DPYD: variants seen among roughly 807,000 people sequenced by gnomAD.
The protein encoded by DPYD is dihydropyrimidine dehydrogenase.
In DPYD, 109 loss-of-function variants were observed where a neutral mutation model predicts 116.2. The ratio of observed to expected loss-of-function variants is 0.94; its 90% CI spans 0.80 to 1.10. The LOEUF (loss-of-function observed/expected upper bound fraction) is 1.10. DPYD is among the 50% of genes least tolerant of loss of function. DPYD has a pLI of 0.00. For missense variants in DPYD, 1,302 were observed against 1,254.5 expected (o/e 1.04, Z -0.57); for synonymous variants, 440 against 432.0 (o/e 1.02, Z -0.23).
chr1:97,912,364 GA>G (rs1273698019), intron 1 of DPYD, among the ~76,000 whole-genome samples: 2 of 152,076 alleles, frequency 1.3e-5, no homozygotes, highest in East Asian at 1.9e-4. Context: ...AGAGAGGCTT[GA>G]ATACATTTTG....
intron 3 of DPYD, among the ~76,000 whole-genome samples, chr1:97,756,740 G>C (rs368461322): frequency 6.6e-6 from 1 of 152,068 alleles, no homozygotes. Context: ...TATTGAAGAG[G>C]TGTTGTTAAA....
At chr1:97,458,236 G>A (rs1387562810) in intron 13 of DPYD, among the ~76,000 whole-genome samples, 1 of 152,098 alleles carries the variant, frequency 6.6e-6, no homozygotes, top group Non-Finnish European at 1.5e-5. Context: ...AAGAAAACTT[G>A]TGTAAATCTC....
intron 16 of DPYD, among the ~76,000 whole-genome samples, chr1:97,326,238 AAGTT>A (rs1282295632): frequency 1.3e-5 from 2 of 151,944 alleles, no homozygotes; most frequent in Non-Finnish European, 2.9e-5. Flanking sequence ...GTATTCAATC[AAGTT>A]AGGAAACACA....
chr1:97,380,978 T>C (rs183495167), intron 15 of DPYD, among the ~76,000 whole-genome samples: 2 of 152,322 alleles, frequency 1.3e-5, no homozygotes, highest in African/African-American at 4.8e-5. Flanking sequence ...CTTCATATGA[T>C]ATCTCCTGGG....
intron 12 of DPYD, among the ~76,000 whole-genome samples, chr1:97,519,417 T>C (rs1648476766): frequency 6.6e-6 from 1 of 152,112 alleles, no homozygotes; most frequent in African/African-American, 2.4e-5. Flanking sequence ...CATGATTCAA[T>C]TTCCTCCCAA....
intron 16 of DPYD, among the ~76,000 whole-genome samples, chr1:97,315,794 T>G (rs946454424): frequency 3.3e-5 from 5 of 152,048 alleles, no homozygotes; most frequent in Admixed American, 1.3e-4. Flanking sequence ...AGTTAAGCCT[T>G]GTTGGTGACC....
At chr1:97,617,476 T>C (rs1023958296) in intron 8 of DPYD, among the ~76,000 whole-genome samples, 1 of 152,216 alleles carries the variant, frequency 6.6e-6, no homozygotes, top group African/African-American at 2.4e-5. Flanking sequence ...TATATTTACA[T>C]TGGAATTCTT....
intron 12 of DPYD, among the ~76,000 whole-genome samples, chr1:97,535,202 TGA>T (rs1201771630): frequency 3.3e-5 from 5 of 152,174 alleles, no homozygotes; most frequent in Non-Finnish European, 7.4e-5. Flanking sequence ...ACAGCTTGTT[TGA>T]GATTCAACTT....
At chr1:97,231,217 T>G (rs1189631181) in intron 19 of DPYD, among the ~76,000 whole-genome samples, 1 of 152,110 alleles carries the variant, frequency 6.6e-6, no homozygotes, top group East Asian at 1.9e-4. Flanking sequence ...ATGGAAGACT[T>G]GCGTATTACT....
chr1:97,477,851 A>G (rs1372726641), intron 13 of DPYD, among the ~76,000 whole-genome samples: 1 of 151,826 alleles, frequency 6.6e-6, no homozygotes, highest in African/African-American at 2.4e-5. Flanking sequence ...CGATCTCCTG[A>G]CCTCGTGATC....
At chr1:97,774,872 T>C in intron 3 of DPYD, 1 of 211,978 alleles carries the variant, frequency 4.7e-6, no homozygotes, top group Non-Finnish European at 1.1e-5. Context: ...AAAGAACATC[T>C]TTGAAAACAT....
At chr1:97,553,287 A>C (rs979355279) in intron 11 of DPYD, among the ~76,000 whole-genome samples, 9 of 152,048 alleles carry the variant, frequency 5.9e-5, no homozygotes, top group African/African-American at 1.9e-4. Context: ...CCATTATTTT[A>C]ATTATTTAAT....
chr1:97,456,114 T>A (rs1676669480), intron 13 of DPYD, among the ~76,000 whole-genome samples: 1 of 151,812 alleles, frequency 6.6e-6, no homozygotes, highest in South Asian at 2.1e-4. Context: ...CCTATATCCA[T>A]GGTTGCATAT....
intron 6 of DPYD, among the ~76,000 whole-genome samples, chr1:97,694,634 T>A (rs899557117): frequency 6.6e-6 from 1 of 152,138 alleles, no homozygotes; most frequent in Non-Finnish European, 1.5e-5. Flanking sequence ...ATTTTATGAG[T>A]TGCTCAGGAC....
At position 97,721,583 on chromosome 1, in the gene DPYD, A is replaced by G. The variant is rs767482279; in HGVS notation, c.410T>C (p.Val137Ala). Reference sequence around the variant, plus strand: ...AGTGGCATATAAATTGCATCCACCTACACAAAGATCAGAGGTTGGACATAC... The same window carrying G: ...AGTGGCATATAAATTGCATCCACCTGCACAAAGATCAGAGGTTGGACATAC... ...GMVCPTSDLCVGGCNLYATEE... is the reference protein window; with the variant it reads ...GMVCPTSDLCAGGCNLYATEE... The change falls in exon 5 of 23, where the codon GTA (valine) becomes GCA (alanine). Residue 137 changes from valine to alanine, a missense_variant. By Grantham distance (64) the Val-to-Ala change is moderately conservative. Coordinates refer to ENST00000370192, the MANE Select transcript of DPYD (RefSeq NM_000110.4). 1.2e-6 allele frequency: 2 copies of G among 1,611,996 alleles called. No individual in the cohort carries two copies. Among genetic ancestry groups the G allele is most frequent in the South Asian group, 1.1e-5 (1 of 91,034 alleles).
intron 8 of DPYD, among the ~76,000 whole-genome samples, chr1:97,597,878 C>G (rs1250984869): frequency 2.6e-5 from 4 of 151,894 alleles, no homozygotes; most frequent in Non-Finnish European, 5.9e-5. Context: ...TCTGGAGAAC[C>G]CTGAAATTGA....
chr1:97,528,544 A>T (rs1451836287), intron 12 of DPYD, among the ~76,000 whole-genome samples: 1 of 152,068 alleles, frequency 6.6e-6, no homozygotes, highest in Admixed American at 6.6e-5. Context: ...TCTACCCCCA[A>T]TTATCAGCTC....
intron 2 of DPYD, among the ~76,000 whole-genome samples, chr1:97,874,099 C>G (rs1671787723): frequency 6.6e-6 from 1 of 151,844 alleles, no homozygotes; most frequent in African/African-American, 2.4e-5. Context: ...ATCCACCATC[C>G]TCATTGTCTT....
intron 13 of DPYD, among the ~76,000 whole-genome samples, chr1:97,466,466 C>G (rs774532537): frequency 6.6e-6 from 1 of 150,520 alleles, no homozygotes; most frequent in Non-Finnish European, 1.5e-5. Flanking sequence ...ACAACAAATA[C>G]ATTTTAAGTA....
Sources: gnomAD v4.1 joint callset for allele counts (sites outside exome capture counted in the v4.1 genomes callset) on GRCh38, gnomAD v4.1.1 for gene constraint, MANE v1.5 for transcripts, NCBI Gene and HGNC (gene_info 2026-07-23, HGNC 2026-07-21) for gene names.